The following GPD2 variants were observed in gnomAD, a reference collection of about 807,000 sequenced individuals.
GPD2 encodes the protein glycerol-3-phosphate dehydrogenase, mitochondrial.
A neutral mutation model predicts 82.4 loss-of-function variants in GPD2; 54 were observed. The observed-to-expected ratio is 0.66, with a 90% CI of 0.53 to 0.82. GPD2 has a LOEUF of 0.82. Among genes scored for constraint, GPD2 ranks in the 40% least tolerant of loss-of-function variants. The pLI is 0.00. For synonymous variants in GPD2, 288 were observed against 306.1 expected (o/e 0.94, Z 0.62); for missense variants, 748 against 896.2 (o/e 0.83, Z 2.11).
intron 1 of GPD2, 76 bp from the exon 2 acceptor site, chr2:156,476,022 C>T (rs1683497898): frequency 1.2e-6 from 1 of 800,090 alleles, no homozygotes; most frequent in South Asian, 1.3e-5. Context: ...ATAATCTACA[C>T]AGTGTCTTAT....
chr2:156,576,514 T>G (rs1238329757), intron 13 of GPD2, among the ~76,000 whole-genome samples: 1 of 152,086 alleles, frequency 6.6e-6, no homozygotes, highest in African/African-American at 2.4e-5. Flanking sequence ...AAAGGATTTG[T>G]TAATCCCCCC....
At chr2:156,459,056 C>T (rs995565691) in intron 1 of GPD2, among the ~76,000 whole-genome samples, 1 of 151,460 alleles carries the variant, frequency 6.6e-6, no homozygotes, top group Non-Finnish European at 1.5e-5. Flanking sequence ...GTTTTATTTA[C>T]TTTTGTTCTC....
At chr2:156,547,575 G>A (rs1381727002) in intron 6 of GPD2, among the ~76,000 whole-genome samples, 2 of 152,110 alleles carry the variant, frequency 1.3e-5, no homozygotes, top group Admixed American at 6.5e-5. Context: ...GCTGGGAACT[G>A]GGGAGTGGAC....
At chr2:156,464,981 G>A (rs1433757129) in intron 1 of GPD2, among the ~76,000 whole-genome samples, 4 of 152,070 alleles carry the variant, frequency 2.6e-5, no homozygotes, top group South Asian at 2.1e-4. Context: ...CTCCTGAGTA[G>A]CTGGGACTAC....
intron 2 of GPD2, among the ~76,000 whole-genome samples, chr2:156,494,903 G>A (rs1684313310): frequency 6.6e-6 from 1 of 152,280 alleles, no homozygotes; most frequent in Non-Finnish European, 1.5e-5. Flanking sequence ...CTGCCTTCTG[G>A]CAACTACTTA....
At chr2:156,405,029 G>A in the GPD2 span, among the ~76,000 whole-genome samples, 1 of 152,322 alleles carries the variant, frequency 6.6e-6, no homozygotes, top group African/African-American at 2.4e-5. Flanking sequence ...TCAGGCAACA[G>A]TGTGACAGAG....
the GPD2 span, among the ~76,000 whole-genome samples, chr2:156,411,311 C>G: frequency 6.6e-6 from 1 of 151,954 alleles, no homozygotes; most frequent in Non-Finnish European, 1.5e-5. Context: ...CTCTCTCTCT[C>G]TTTTTATTTT....
intron 12 of GPD2, 101 bp from the exon 13 acceptor site, chr2:156,571,033 T>C (rs1687592671): frequency 1.2e-6 from 1 of 851,560 alleles, no homozygotes; most frequent in East Asian, 2.4e-5. Flanking sequence ...AGAAAAATAT[T>C]ACCTTTGTGA....
chr2:156,508,269 A>G (rs900204428), intron 3 of GPD2, among the ~76,000 whole-genome samples: 8 of 151,666 alleles, frequency 5.3e-5, no homozygotes, highest in African/African-American at 1.9e-4. Flanking sequence ...TTGTTCCTTA[A>G]CTCACAACAT....
chr2:156,404,234 A>G, the GPD2 span, among the ~76,000 whole-genome samples: 1 of 152,066 alleles, frequency 6.6e-6, no homozygotes, highest in Non-Finnish European at 1.5e-5. Flanking sequence ...TTAAAAAAAA[A>G]TTACCCAGGT....
At chr2:156,524,628 GC>G (rs1685538460) in intron 6 of GPD2, among the ~76,000 whole-genome samples, 1 of 152,152 alleles carries the variant, frequency 6.6e-6, no homozygotes, top group Non-Finnish European at 1.5e-5. Context: ...GAAACAGAGG[GC>G]TTCTTTTGAC....
upstream of GPD2, among the ~76,000 whole-genome samples, chr2:156,435,978 G>A (rs555927104): frequency 1.2e-4 from 18 of 152,364 alleles, no homozygotes; most frequent in Non-Finnish European, 1.6e-4. Context: ...GCGGGGCGGA[G>A]GTCTGGAGTC....
chr2:156,429,411 G>A, the GPD2 span, among the ~76,000 whole-genome samples: 1 of 152,280 alleles, frequency 6.6e-6, no homozygotes, highest in East Asian at 1.9e-4. Context: ...TAAATAGGTG[G>A]CTATGTTCCA....
At chr2:156,417,856 C>G in the GPD2 span, among the ~76,000 whole-genome samples, 28,709 of 151,582 alleles carry the variant, frequency 0.19, 3,207 homozygotes, top group Non-Finnish European at 0.24. Context: ...ACTCTTCAGC[C>G]TGGGCAACAG....
intron 9 of GPD2, among the ~76,000 whole-genome samples, chr2:156,563,684 C>G (rs1687257045): frequency 6.6e-6 from 1 of 152,034 alleles, no homozygotes; most frequent in African/African-American, 2.4e-5. Flanking sequence ...TTCTCATGAG[C>G]AAAGGAAGTG....
intron 9 of GPD2, among the ~76,000 whole-genome samples, chr2:156,560,255 A>T (rs1022690376): frequency 6.6e-6 from 1 of 152,186 alleles, no homozygotes; most frequent in Admixed American, 6.5e-5. Flanking sequence ...CGGAGACTGG[A>T]TCACTTATGT....
chr2:156,558,820 G>A (rs181833860), intron 9 of GPD2, among the ~76,000 whole-genome samples: 228 of 98,444 alleles, frequency 2.3e-3, no homozygotes, highest in African/African-American at 8.9e-3. Flanking sequence ...GTTTCACTAT[G>A]TTGGCCAGGT....
At chr2:156,489,211 G>A (rs888382681) in intron 2 of GPD2, among the ~76,000 whole-genome samples, 25 of 152,218 alleles carry the variant, frequency 1.6e-4, no homozygotes, top group African/African-American at 6.0e-4. Context: ...CCTAAGGATG[G>A]CAGCTGCTAC....
At chr2:156,423,217 C>G in the GPD2 span, among the ~76,000 whole-genome samples, 24 of 152,194 alleles carry the variant, frequency 1.6e-4, no homozygotes, top group Admixed American at 5.9e-4. Flanking sequence ...TTTTTGTTTT[C>G]TATTATTTTT....
Sources: allele counts gnomAD v4.1 joint callset (sites outside exome capture counted in the v4.1 genomes callset), GRCh38; gene constraint gnomAD v4.1.1; transcripts MANE v1.5; gene names NCBI Gene and HGNC (gene_info 2026-07-23, HGNC 2026-07-21).